ARL15: variants seen among roughly 807,000 people sequenced by gnomAD.
ARL15 encodes the protein ADP-ribosylation factor-like protein 15.
In ARL15, 19 loss-of-function variants were observed where a neutral mutation model predicts 25.2. That is an observed-to-expected ratio of 0.75 (90% CI 0.53 to 1.10). ARL15 has a LOEUF of 1.10. Ranked by LOEUF, ARL15 falls within the 50% of genes least tolerant of loss-of-function variation. The pLI is 0.00. For synonymous variants in ARL15, 94 were observed against 86.8 expected (o/e 1.08, Z -0.46); for missense variants, 220 against 246.0 (o/e 0.89, Z 0.71).
intron 4 of ARL15, among the ~76,000 whole-genome samples, chr5:53,914,970 C>T (rs1435373371): frequency 6.6e-6 from 1 of 152,184 alleles, no homozygotes; most frequent in Admixed American, 6.5e-5. Context: ...GCCAGCACGC[C>T]CAGCTAATTT....
At chr5:54,260,173 C>T (rs1302674012) in intron 1 of ARL15, among the ~76,000 whole-genome samples, 2 of 152,170 alleles carry the variant, frequency 1.3e-5, no homozygotes, top group Non-Finnish European at 2.9e-5. Context: ...TGGTGCCACT[C>T]TGGAATGCAC....
intron 4 of ARL15, among the ~76,000 whole-genome samples, chr5:54,028,905 C>T (rs1332743163): frequency 6.6e-6 from 1 of 151,986 alleles, no homozygotes; most frequent in Non-Finnish European, 1.5e-5. Flanking sequence ...GCCTATAGTC[C>T]CAGCTACTTG....
intron 1 of ARL15, among the ~76,000 whole-genome samples, chr5:54,200,988 G>T (rs574032075): frequency 6.6e-6 from 1 of 151,734 alleles, no homozygotes; most frequent in Non-Finnish European, 1.5e-5. Flanking sequence ...GGATGATCAC[G>T]ATACATACAA....
intron 4 of ARL15, among the ~76,000 whole-genome samples, chr5:54,028,212 C>T (rs941636532): frequency 6.6e-6 from 1 of 152,140 alleles, no homozygotes; most frequent in Non-Finnish European, 1.5e-5. Flanking sequence ...TGAGCCACTG[C>T]ACCCGGTGAC....
chr5:53,954,324 G>C (rs1340311095), intron 4 of ARL15, among the ~76,000 whole-genome samples: 3 of 152,120 alleles, frequency 2.0e-5, no homozygotes, highest in Non-Finnish European at 2.9e-5. Context: ...TCTGTCTTGG[G>C]ATCCAAGCCC....
At chr5:54,174,706 T>G (rs1754814791) in intron 1 of ARL15, among the ~76,000 whole-genome samples, 1 of 152,244 alleles carries the variant, frequency 6.6e-6, no homozygotes, top group Non-Finnish European at 1.5e-5. Flanking sequence ...ATATGAAGGC[T>G]GGCTGATACT....
chr5:54,118,759 C>A (rs1185382012), intron 3 of ARL15, among the ~76,000 whole-genome samples: 2 of 152,094 alleles, frequency 1.3e-5, no homozygotes, highest in African/African-American at 4.8e-5. Context: ...GAATTCTAAC[C>A]CAGTGATCAG....
chr5:54,029,875 T>C (rs2111888529), intron 4 of ARL15, among the ~76,000 whole-genome samples: 1 of 151,978 alleles, frequency 6.6e-6, no homozygotes, highest in African/African-American at 2.4e-5. Context: ...CGGGTGCCTG[T>C]AGTCCCAGCT....
At chr5:54,060,050 G>A (rs1394695543) in intron 4 of ARL15, among the ~76,000 whole-genome samples, 1 of 150,024 alleles carries the variant, frequency 6.7e-6, no homozygotes, top group Non-Finnish European at 1.5e-5. Flanking sequence ...AATTCCAGTG[G>A]AAGGTGACTG....
At chr5:54,263,105 T>C (rs1757536380) in intron 1 of ARL15, among the ~76,000 whole-genome samples, 1 of 152,130 alleles carries the variant, frequency 6.6e-6, no homozygotes, top group Non-Finnish European at 1.5e-5. Context: ...TACAATATTT[T>C]AGAGTTTTTT....
chr5:54,308,578 G>A (rs1260201640), intron 1 of ARL15, among the ~76,000 whole-genome samples: 1 of 152,178 alleles, frequency 6.6e-6, no homozygotes, highest in East Asian at 1.9e-4. Flanking sequence ...AGTCAAATTT[G>A]TGACCTGTTG....
intron 4 of ARL15, among the ~76,000 whole-genome samples, chr5:53,935,039 T>C (rs1425106560): frequency 1.3e-5 from 2 of 152,064 alleles, no homozygotes; most frequent in Non-Finnish European, 2.9e-5. Flanking sequence ...AAGACAGACA[T>C]GGAACTGAAG....
At chr5:54,225,749 A>T (rs1756500553) in intron 1 of ARL15, among the ~76,000 whole-genome samples, 1 of 152,136 alleles carries the variant, frequency 6.6e-6, no homozygotes, top group Admixed American at 6.5e-5. Flanking sequence ...TGACCTTGGG[A>T]AGGAGTAAGG....
chr5:53,894,082 A>G (rs534079105), intron 4 of ARL15, among the ~76,000 whole-genome samples: 1 of 152,198 alleles, frequency 6.6e-6, no homozygotes, highest in Non-Finnish European at 1.5e-5. Flanking sequence ...TGATGACTTG[A>G]TGTTAACCAA....
chr5:54,280,091 C>T (rs927091206), intron 1 of ARL15, among the ~76,000 whole-genome samples: 1 of 152,220 alleles, frequency 6.6e-6, no homozygotes, highest in African/African-American at 2.4e-5. Flanking sequence ...CCCATCCATC[C>T]AGCCAAGACT....
Position 53,917,212 on chromosome 5 carries a change from C to A in ARL15, c.463-30499G>T, listed in dbSNP as rs1745679102. ...ATTGTAGCAACTTATTTGAGAGCTGCAACTCATTAAGTGTGTCTCTGATAT... is the reference window on the plus strand; with the variant it reads ...ATTGTAGCAACTTATTTGAGAGCTGAAACTCATTAAGTGTGTCTCTGATAT... On this transcript the variant is annotated intron_variant, in intron 4 of 4. Transcript: ENST00000504924. 2.6e-5 allele frequency among the ~76,000 whole-genome samples: 4 copies of A among 152,132 alleles called. No homozygotes were observed. The South Asian group carries it at 8.3e-4, about 32-fold the overall frequency.
At chr5:53,972,957 G>A (rs1401417527) in intron 4 of ARL15, among the ~76,000 whole-genome samples, 1 of 152,106 alleles carries the variant, frequency 6.6e-6, no homozygotes, top group Non-Finnish European at 1.5e-5. Flanking sequence ...GATACTTGAA[G>A]ATAAATTTCT....
intron 4 of ARL15, among the ~76,000 whole-genome samples, chr5:53,903,727 A>G (rs1172723187): frequency 6.6e-6 from 1 of 152,156 alleles, no homozygotes; most frequent in Admixed American, 6.5e-5. Context: ...AACAGCTCCT[A>G]TTCTCTGTGC....
rs60109918 is a variant in ARL15, at chr5:54,178,961, T to C, written c.49-7033A>G. ...CTAGTAAATTAAAAATAAAACTGTA[T>C]TGAACAGCAGATATAAGTGACTTAT... On this transcript the variant is annotated intron_variant, in intron 1 of 4. Coordinates refer to ENST00000504924, the MANE Select transcript of ARL15 (RefSeq NM_019087.3). Among the ~76,000 whole-genome samples, 26 of 152,254 alleles carry C rather than the reference T, an allele frequency of 1.7e-4. No homozygotes were observed. The East Asian group carries it at 5.0e-3, about 29-fold the overall frequency.
Sources: allele counts gnomAD v4.1 joint callset (sites outside exome capture counted in the v4.1 genomes callset), GRCh38; gene constraint gnomAD v4.1.1; transcripts MANE v1.5; gene names NCBI Gene and HGNC (gene_info 2026-07-23, HGNC 2026-07-21).